PLRG1: variants seen among roughly 807,000 people sequenced by gnomAD.
PLRG1 encodes pleiotropic regulator 1 (PRL1 homolog, Arabidopsis).
Under a neutral mutation model 74.9 loss-of-function variants are expected in PLRG1, and 28 were observed. The ratio of observed to expected loss-of-function variants is 0.37; its 90% confidence interval spans 0.28 to 0.51. The LOEUF is 0.51. Among genes scored for constraint, PLRG1 ranks in the 20% least tolerant of loss-of-function variants. PLRG1 has a pLI of 0.91. For missense variants in PLRG1, 445 were observed against 631.9 expected (o/e 0.70, Z 3.17); for synonymous variants, 197 against 212.4 (o/e 0.93, Z 0.63).
At chr4:154,538,883 T>G in intron 12 of PLRG1, 1 of 465,048 alleles carries the variant, frequency 2.2e-6, no homozygotes, top group Non-Finnish European at 3.8e-6. Flanking sequence ...TCATTTGACA[T>G]TATTTATTTG....
chr4:154,547,799 A>G lies in PLRG1; in HGVS notation c.171T>C (p.His57=), dbSNP rs1389821172. ...TAAGATTTTCTTTTGAAGTAGGCAT[A>G]TGCAACACAGGACCATACTCATTAC... ...KLRNEYGPVL[H]MPTSKENLKE... Residue 57 remains histidine (H), a synonymous_variant, in exon 3 of 15, where the codon CAT becomes CAC. Transcript: ENST00000499023. 1.2e-6 allele frequency: 2 copies of G among 1,612,640 alleles called. No homozygotes were observed. Among genetic ancestry groups the G allele is most frequent in the Non-Finnish European group, 8.5e-7 (1 of 1,178,722 alleles).
chr4:154,538,542 G>C (rs1253048672), intron 12 of PLRG1, among the ~76,000 whole-genome samples: 1 of 151,646 alleles, frequency 6.6e-6, no homozygotes, highest in African/African-American at 2.4e-5. Context: ...AGAAAGATAA[G>C]CAAAGGAAGG....
At chr4:154,547,201 T>C in intron 3 of PLRG1, 137 bp from the exon 4 acceptor site, 1 of 715,326 alleles carries the variant, frequency 1.4e-6, no homozygotes, top group South Asian at 1.6e-5. Flanking sequence ...GCCTCAGAAA[T>C]AAGGGAAGTT....
rs758355067 is a variant in PLRG1, at chr4:154,535,754, C to T, written c.*931G>A. 2.0e-5 allele frequency: 3 copies of T among 152,158 alleles called. No individual in the cohort carries two copies. Among genetic ancestry groups the T allele is most frequent in the Non-Finnish European group, 2.9e-5 (2 of 67,982 alleles). 9.4% of individuals were successfully genotyped at this position (152,158 alleles called of 1,614,324 possible). A position where few individuals can be genotyped will look rare whatever the true frequency, so the allele number is the denominator to read the frequency against. ...CTTTAAAATCTCCGCAAGATTGCAGCCCTTGCTACAGCTTTAAATAGCTGC... is the reference window on the plus strand; with the variant it reads ...CTTTAAAATCTCCGCAAGATTGCAGTCCTTGCTACAGCTTTAAATAGCTGC... On this transcript the variant is annotated 3_prime_UTR_variant, in exon 15 of 15. Coordinates refer to ENST00000499023, the MANE Select transcript of PLRG1 (RefSeq NM_002669.4).
Position 154,547,032 on chromosome 4 carries a change from G to C in PLRG1, c.292C>G (p.His98Asp). ...TAACCAGGTCCTGGTGGGTATGGAT[G>C]TGTACCTGCCACAAAGTATTCAACT... ...QEVEYFVAGT[H>D]PYPPGPGVAL... Residue 98 changes from histidine to aspartate, a missense_variant, in exon 4 of 15, where the codon CAT (histidine) becomes GAT (aspartate). Around this residue, in one of 3 missense-constraint regions of PLRG1, gnomAD observed 206 missense variants for 210.8 expected, o/e 0.98. Coordinates refer to ENST00000499023, the MANE Select transcript of PLRG1 (RefSeq NM_002669.4). The C allele has an allele frequency of 6.2e-7, 1 of 1,611,986 alleles. No individual in the cohort carries two copies. The highest frequency in any genetic ancestry group is 1.1e-5 in the South Asian group (1 of 91,030).
chr4:154,538,115 T>C lies in PLRG1; in HGVS notation c.1152-7A>G, dbSNP rs767015144. ...ACCAGATGCAAATGTGTAACTGAAA[T>C]AATATTAAAAAGAATTAACGACAAA... On this transcript the variant is annotated splice_polypyrimidine_tract_variant and splice_region_variant and intron_variant, in intron 12 of 14. Transcript: ENST00000499023. 1.4e-6 allele frequency: 2 copies of C among 1,407,520 alleles called. No homozygotes were observed. Among genetic ancestry groups the C allele is most frequent in the Admixed American group, 4.2e-5 (2 of 47,398 alleles). 87.2% of individuals were successfully genotyped at this position (1,407,520 alleles called of 1,614,324 possible).
At position 154,535,645 on chromosome 4, in the gene PLRG1, T is replaced by C. The variant is rs536859107; in HGVS notation, c.*1040A>G. The C allele has an allele frequency of 6.6e-6, 1 of 152,132 alleles. No individual in the cohort carries two copies. The highest frequency in any genetic ancestry group is 2.4e-5 in the African/African-American group (1 of 41,526). 9.4% of individuals were successfully genotyped at this position (152,132 alleles called of 1,614,324 possible). ...GTGAAGTCTGACAAATCTTGATTAA[T>C]GGGGAATCAGGATCCCAGGGCAGGA... On this transcript the variant is annotated 3_prime_UTR_variant, in exon 15 of 15. Transcript: ENST00000499023.
intron 3 of PLRG1, 122 bp downstream of exon 3, chr4:154,547,589 C>T (rs564510298): frequency 6.8e-5 from 54 of 797,286 alleles, no homozygotes; most frequent in Middle Eastern, 3.2e-4. Context: ...AATACAGGTA[C>T]GGCCATTAAA....
rs1304862705 is a variant in PLRG1 at position 154,536,504 on chromosome 4, CA to C, written c.*180del. 1.8e-6 allele frequency: 1 copy of C among 560,998 alleles called. No homozygotes were observed. The highest frequency in any genetic ancestry group is 1.9e-5 in the African/African-American group (1 of 51,324). 34.8% of individuals were successfully genotyped at this position (560,998 alleles called of 1,614,324 possible). Reference sequence around the variant, plus strand: ...ACAAATTGTTTTAGAAATAAAAACACAGGGGTAGGGGACAGGGGACAGTTTA... The same window carrying C: ...ACAAATTGTTTTAGAAATAAAAACACGGGGTAGGGGACAGGGGACAGTTTA... On this transcript the variant is annotated 3_prime_UTR_variant, in exon 15 of 15. Coordinates refer to ENST00000499023, the MANE Select transcript of PLRG1 (RefSeq NM_002669.4).
At chr4:154,543,275 G>A (rs990921976) in intron 7 of PLRG1, among the ~76,000 whole-genome samples, 1 of 152,094 alleles carries the variant, frequency 6.6e-6, no homozygotes, top group African/African-American at 2.4e-5. Context: ...AGCCTCTGGA[G>A]TAGCTGGGAC....
At chr4:154,547,192 C>A in intron 3 of PLRG1, 128 bp from the exon 4 acceptor site, 2 of 740,738 alleles carry the variant, frequency 2.7e-6, no homozygotes, top group Non-Finnish European at 2.4e-6. Flanking sequence ...TAAAGTCAAG[C>A]CTCAGAAATA....
chr4:154,547,418 T>A (rs1448426502), intron 3 of PLRG1: 1 of 509,386 alleles, frequency 2.0e-6, no homozygotes, highest in Non-Finnish European at 3.5e-6. Flanking sequence ...AGATAGATGG[T>A]GTCCTCACAG....
intron 4 of PLRG1, chr4:154,546,471 C>T (rs541274164): frequency 8.6e-5 from 36 of 418,898 alleles, no homozygotes; most frequent in Non-Finnish European, 1.4e-4. Flanking sequence ...AGTTAATTTC[C>T]ATTATATTTG....
intron 7 of PLRG1, chr4:154,543,913 T>C (rs937066617): frequency 6.6e-6 from 1 of 152,314 alleles, no homozygotes. Flanking sequence ...TATTTTGGTA[T>C]AGGCAAGCAA....
chr4:154,537,922 G>T (rs1729480812), intron 13 of PLRG1, 47 bp downstream of exon 13: 1 of 1,122,508 alleles, frequency 8.9e-7, no homozygotes, highest in Admixed American at 2.4e-5. Context: ...ATCATTAAAA[G>T]AAAAAATAAC....
chr4:154,543,812 A>G (rs1364930491), intron 7 of PLRG1: 5 of 152,226 alleles, frequency 3.3e-5, no homozygotes, highest in African/African-American at 4.8e-5. Flanking sequence ...GTAGCTGTAC[A>G]TTTCCTACTA....
At position 154,535,191 on chromosome 4, in the gene PLRG1, AC is replaced by A. The variant is rs912307099; in HGVS notation, c.*1493del. ...AGTTGTCCACAAAAATGCTTGCACA[AC>A]TTTTTTTTTTACCCAAGTTTAGAAA... On this transcript the variant is annotated 3_prime_UTR_variant, in exon 15 of 15. Transcript: ENST00000499023. 2.0e-5 allele frequency: 3 copies of A among 151,216 alleles called. No individual in the cohort carries two copies. The highest frequency in any genetic ancestry group is 6.6e-5 in the Admixed American group (1 of 15,194). 9.4% of individuals were successfully genotyped at this position (151,216 alleles called of 1,614,324 possible). A position where few individuals can be genotyped will look rare whatever the true frequency, so the allele number is the denominator to read the frequency against.
At position 154,547,874 on chromosome 4, in the gene PLRG1, TA is replaced by T. The variant is rs745903774; in HGVS notation, c.117-22del. On this transcript the variant is annotated intron_variant, in intron 2 of 14. Transcript: ENST00000499023. ...TGTGACTATTTAGAAATTATAAACA[TA>T]AGAACGTATCCATAAATACTTTAAA... 1.9e-6 allele frequency: 3 copies of T among 1,568,272 alleles called. No individual in the cohort carries two copies. The African/African-American group carries it at 4.1e-5, about 21-fold the overall frequency.
In PLRG1 at chr4:154,545,821, T is replaced by C. The variant is rs376776492; in HGVS notation, c.492+15A>G. On this transcript the variant is annotated intron_variant, in intron 6 of 14. Transcript: ENST00000499023. ...CAAAAGTTAGAAACCTGCTATTTGA[T>C]GCAGAAAAACTTACTGAATTCATCG... 21 of 1,521,020 alleles carry C rather than the reference T, an allele frequency of 1.4e-5. No homozygotes were observed. In the African/African-American group the frequency reaches 1.4e-4, roughly 10 times the overall value. 94.2% of individuals were successfully genotyped at this position (1,521,020 alleles called of 1,614,324 possible).
Sources: allele counts gnomAD v4.1 joint callset (sites outside exome capture counted in the v4.1 genomes callset), GRCh38; gene constraint gnomAD v4.1.1; regional missense constraint gnomAD v4.1.1; transcripts MANE v1.5; gene names NCBI Gene and HGNC (gene_info 2026-07-23, HGNC 2026-07-21).